CRMP1: variants seen among roughly 807,000 people sequenced by gnomAD.
The protein encoded by CRMP1 is collapsin response mediator protein 1.
CRMP1 carries 19 observed loss-of-function variants against 68.3 expected under a neutral mutation model. The observed-to-expected ratio is 0.28, with a 90% CI of 0.19 to 0.41. The LOEUF (loss-of-function observed/expected upper bound fraction) is 0.41, where lower values mean the gene tolerates loss of function less well. CRMP1 is among the 10% of genes least tolerant of loss of function. The pLI, the probability that CRMP1 is intolerant of heterozygous loss-of-function variation, is 1.00. For synonymous variants in CRMP1, 439 were observed against 399.6 expected (o/e 1.10, Z -1.18); for missense variants, 791 against 967.4 (o/e 0.82, Z 2.42).
chr4:5,878,291 A>T (rs1714984223), intron 1 of CRMP1, among the ~76,000 whole-genome samples: 1 of 151,958 alleles, frequency 6.6e-6, no homozygotes, highest in Admixed American at 6.6e-5. Context: ...TAGTTGATAC[A>T]TCTGAGCCTC....
rs1009608101 is a variant in CRMP1 at position 5,855,686 on chromosome 4, C to G, written c.820+457G>C. ...AGGAGGCCTAAGTAACCGGCATTGG[C>G]TATTCAAGGAATGAAGCAATGGGAG... On this transcript the variant is annotated intron_variant, in intron 4 of 13. Coordinates refer to ENST00000324989, the MANE Select transcript of CRMP1 (RefSeq NM_001014809.3). The surrounding 1 kb of genome is among the most constrained non-coding windows in gnomAD (Gnocchi z 4.9). Among the ~76,000 whole-genome samples, 6 of 152,172 alleles carry G rather than the reference C, an allele frequency of 3.9e-5. No individual in the cohort carries two copies. The highest frequency in any genetic ancestry group is 8.8e-5 in the Non-Finnish European group (6 of 68,026).
intron 1 of CRMP1, among the ~76,000 whole-genome samples, chr4:5,880,451 T>A (rs915520480): frequency 6.6e-6 from 1 of 152,190 alleles, no homozygotes; most frequent in African/African-American, 2.4e-5. Context: ...AATAGCCACC[T>A]TTTTGCTGTA....
rs1269171778 is a variant in CRMP1, at chr4:5,820,833, A to G, written c.*927T>C. 1 of 152,246 alleles carries G rather than the reference A, an allele frequency of 6.6e-6. No individual in the cohort carries two copies. Among genetic ancestry groups the G allele is most frequent in the African/African-American group, 2.4e-5 (1 of 41,462 alleles). 9.4% of individuals were successfully genotyped at this position (152,246 alleles called of 1,614,324 possible). ...TTTTTCACAAGCTTTGAATTCAGAAATAAGAGCCACAACAAGTTGGTTGTT... is the reference window on the plus strand; with the variant it reads ...TTTTTCACAAGCTTTGAATTCAGAAGTAAGAGCCACAACAAGTTGGTTGTT... On this transcript the variant is annotated 3_prime_UTR_variant, in exon 14 of 14. Transcript: ENST00000324989.
At chr4:5,835,860 A>G in intron 11 of CRMP1, 55 bp downstream of exon 11, 1 of 1,370,146 alleles carries the variant, frequency 7.3e-7, no homozygotes, top group Non-Finnish European at 9.5e-7. Flanking sequence ...AGTCTTTAAA[A>G]ATGATTACAA....
rs113796921 is a variant in CRMP1, at chr4:5,850,112, G to T, written c.883-640C>A. On this transcript the variant is annotated intron_variant, in intron 5 of 13. Coordinates refer to ENST00000324989, the MANE Select transcript of CRMP1 (RefSeq NM_001014809.3). The surrounding 1 kb of genome is among the most constrained non-coding windows in gnomAD (Gnocchi z 4.4). ...AATCTGCATTTGGGCATTGCCCCTG[G>T]TAAGGGCCAAAGCCACGAAGCTCCC... Among the ~76,000 whole-genome samples, 1,075 of 152,236 alleles carry T rather than the reference G, an allele frequency of 7.1e-3. 15 individuals are homozygous for T. Among genetic ancestry groups the T allele is most frequent in the African/African-American group, 0.024 (1,000 of 41,538 alleles).
Position 5,832,052 on chromosome 4 carries a change from T to C in CRMP1, c.1624-3384A>G, listed in dbSNP as rs571623238. On this transcript the variant is annotated intron_variant, in intron 11 of 13. Transcript: ENST00000324989. ...GCACGGATGATCCTCAAAAATATGA[T>C]GCTAAGTAGAAGCCAGACATAAAAG... Among the ~76,000 whole-genome samples, 90 of 152,344 alleles carry C rather than the reference T, an allele frequency of 5.9e-4. 1 individual carries two copies. The highest frequency in any genetic ancestry group is 2.0e-3 in the African/African-American group (85 of 41,576).
intron 12 of CRMP1, chr4:5,828,070 G>C: frequency 1.0e-6 from 1 of 985,432 alleles, no homozygotes; most frequent in Non-Finnish European, 1.2e-6. Context: ...GTAACACCTT[G>C]CTCCACAGGG....
intron 2 of CRMP1, among the ~76,000 whole-genome samples, chr4:5,864,434 C>T (rs191686742): frequency 6.6e-6 from 1 of 152,364 alleles, no homozygotes; most frequent in South Asian, 2.1e-4. Context: ...TCCCCACCCC[C>T]AATCTGCCTT....
At chr4:5,847,900 A>C (rs2152461931) in intron 6 of CRMP1, among the ~76,000 whole-genome samples, 1 of 152,244 alleles carries the variant, frequency 6.6e-6, no homozygotes, top group African/African-American at 2.4e-5. Flanking sequence ...AACTACCTTT[A>C]CTGGCTGCAT....
intron 6 of CRMP1, 96 bp downstream of exon 6, chr4:5,849,296 G>T: frequency 2.0e-6 from 2 of 984,418 alleles, no homozygotes; most frequent in East Asian, 2.4e-5. Flanking sequence ...ACCTTTCATT[G>T]TACAGCCTCC....
At chr4:5,827,512 C>G (rs1719826148) in intron 12 of CRMP1, among the ~76,000 whole-genome samples, 1 of 152,076 alleles carries the variant, frequency 6.6e-6, no homozygotes, top group East Asian at 1.9e-4. Flanking sequence ...GGTCTCTGGA[C>G]TTCTCCATCT....
rs1167219202 is a variant in CRMP1 at position 5,866,751 on chromosome 4, G to A, written c.387C>T (p.Asp129=). 2 of 1,610,072 alleles carry A rather than the reference G, an allele frequency of 1.2e-6. No individual in the cohort carries two copies. The highest frequency in any genetic ancestry group is 2.2e-5 in the East Asian group (1 of 44,686). Residue 129 remains aspartate, a synonymous_variant, in exon 2 of 14, where the codon GAC becomes GAT. Coordinates refer to ENST00000324989, the MANE Select transcript of CRMP1 (RefSeq NM_001014809.3). The surrounding 1 kb of genome is among the most constrained non-coding windows in gnomAD (Gnocchi z 5.9). ...LPLGRDNGQS[D]RLLIKGGRII... The stretch of plus-strand genomic sequence containing the variant: ...TCCGTCCACCTTTGATGAGGAGTCG[G>A]TCACTCTGCAAAGCAAGGCAAAGTA...
chr4:5,888,269 C>T lies in CRMP1; in HGVS notation c.381+4320G>A, dbSNP rs977502611. On this transcript the variant is annotated intron_variant, in intron 1 of 13. Coordinates refer to ENST00000324989, the MANE Select transcript of CRMP1 (RefSeq NM_001014809.3). The surrounding 1 kb of genome is among the most constrained non-coding windows in gnomAD (Gnocchi z 6.4). ...CTCTTCTTGCCCTGGTACGACATGG[C>T]CCCCTCTGGCGCCCTCGGCCCGGCC... 2 of 1,278,272 alleles carry T rather than the reference C, an allele frequency of 1.6e-6. No individual in the cohort carries two copies. Among genetic ancestry groups the T allele is most frequent in the African/African-American group, 1.5e-5 (1 of 65,264 alleles). 79.2% of individuals were successfully genotyped at this position (1,278,272 alleles called of 1,614,324 possible). A position where few individuals can be genotyped will look rare whatever the true frequency, so the allele number is the denominator to read the frequency against.
Position 5,821,589 on chromosome 4 carries a change from ACAC to A in CRMP1, c.*168_*170del. ...TGGGGCAAGGAATTTCCAAGCAAAC[ACAC>A]CACACTAGTACCACTTCTTCCTAAA... On this transcript the variant is annotated 3_prime_UTR_variant, in exon 14 of 14. Coordinates refer to ENST00000324989, the MANE Select transcript of CRMP1 (RefSeq NM_001014809.3). The surrounding 1 kb of genome is among the most constrained non-coding windows in gnomAD (Gnocchi z 4.4). 4.7e-6 allele frequency: 3 copies of A among 638,800 alleles called. No individual in the cohort carries two copies. The highest frequency in any genetic ancestry group is 8.0e-6 in the Non-Finnish European group (3 of 377,104). The allele number at this position is 638,800 out of a possible 1,614,324, so 39.6% of individuals were successfully genotyped here.
At chr4:5,875,662 G>C (rs1192619100) in intron 1 of CRMP1, among the ~76,000 whole-genome samples, 2 of 152,126 alleles carry the variant, frequency 1.3e-5, no homozygotes, top group Admixed American at 1.3e-4. Flanking sequence ...TAGATACAGA[G>C]ACACGGTCTT....
At chr4:5,876,000 A>C (rs1202530873) in intron 1 of CRMP1, among the ~76,000 whole-genome samples, 1 of 151,998 alleles carries the variant, frequency 6.6e-6, no homozygotes, top group Admixed American at 6.6e-5. Flanking sequence ...AAAAATACAA[A>C]AAATTAGCCG....
rs190622672 is a variant in CRMP1, at chr4:5,877,463, C to T, written c.382-10707G>A. On this transcript the variant is annotated intron_variant, in intron 1 of 13. Transcript: ENST00000324989. The surrounding 1 kb of genome is among the most constrained non-coding windows in gnomAD (Gnocchi z 4.3). ...GCTCCCCACTCTGGCCTCCTTGCAACGGCAAGTGCTGCCATCCCATCCAGC... is the reference window on the plus strand; with the variant it reads ...GCTCCCCACTCTGGCCTCCTTGCAATGGCAAGTGCTGCCATCCCATCCAGC... Among the ~76,000 whole-genome samples the T allele has an allele frequency of 3.8e-3, 586 of 152,310 alleles. No homozygotes were observed. The highest frequency in any genetic ancestry group is 6.9e-3 in the Non-Finnish European group (471 of 68,024).
In CRMP1 at chr4:5,888,632, GC is replaced by G. The variant is rs1715782633; in HGVS notation, c.381+3956del. On this transcript the variant is annotated intron_variant, in intron 1 of 13. Transcript: ENST00000324989. This position sits in a 1 kb window ranked among gnomAD's most constrained non-coding sequence, Gnocchi z 6.4. ...CTTCCGATCTCCCACCCCGCCCCCCGCCCCCCACCCGCCCAGCCCCGCCGAC... is the reference window on the plus strand; with the variant it reads ...CTTCCGATCTCCCACCCCGCCCCCCGCCCCCACCCGCCCAGCCCCGCCGAC... The G allele has an allele frequency of 1.4e-6, 1 of 715,536 alleles. No homozygotes were observed. The highest frequency in any genetic ancestry group is 1.6e-6 in the Non-Finnish European group (1 of 638,612). 44.3% of individuals were successfully genotyped at this position (715,536 alleles called of 1,614,324 possible).
rs1715833021 is a variant in CRMP1 at position 5,889,318 on chromosome 4, C to T, written c.381+3271G>A. On this transcript the variant is annotated intron_variant, in intron 1 of 13. Coordinates refer to ENST00000324989, the MANE Select transcript of CRMP1 (RefSeq NM_001014809.3). This position sits in a 1 kb window ranked among gnomAD's most constrained non-coding sequence, Gnocchi z 4.5. ...CCAGGTCACCCCACAGAATTGCCTCCAAGACAGCAGGTGTTTGGAGGGCTG... is the reference window on the plus strand; with the variant it reads ...CCAGGTCACCCCACAGAATTGCCTCTAAGACAGCAGGTGTTTGGAGGGCTG... 6.6e-6 allele frequency among the ~76,000 whole-genome samples: 1 copy of T among 152,168 alleles called. No individual in the cohort carries two copies. Among genetic ancestry groups the T allele is most frequent in the African/African-American group, 2.4e-5 (1 of 41,438 alleles).
Sources: allele counts gnomAD v4.1 joint callset (sites outside exome capture counted in the v4.1 genomes callset), GRCh38; gene constraint gnomAD v4.1.1; non-coding constraint Gnocchi (gnomAD v3.1); transcripts MANE v1.5; gene names NCBI Gene and HGNC (gene_info 2026-07-23, HGNC 2026-07-21).